PTP4A2: variants seen among roughly 807,000 people sequenced by gnomAD.
The protein encoded by PTP4A2 is protein tyrosine phosphatase type IVA 2.
PTP4A2 carries 2 observed loss-of-function variants against 22.9 expected under a neutral mutation model. The ratio of observed to expected loss-of-function variants is 0.09; its 90% CI spans 0.04 to 0.27. The LOEUF (loss-of-function observed/expected upper bound fraction) is 0.27. PTP4A2 is among the 10% of genes least tolerant of loss of function. The pLI, the probability that PTP4A2 is intolerant of heterozygous loss-of-function variation, is 1.00. For synonymous variants in PTP4A2, 68 were observed against 69.1 expected (o/e 0.98, Z 0.08); for missense variants, 103 against 205.1 (o/e 0.50, Z 3.04).
intron 1 of PTP4A2, among the ~76,000 whole-genome samples, chr1:31,930,673 CA>C (rs1652688707): frequency 6.6e-6 from 1 of 152,184 alleles, no homozygotes; most frequent in South Asian, 2.1e-4. Context: ...AGTTCACAGA[CA>C]TATGTTTGTG....
intron 1 of PTP4A2, among the ~76,000 whole-genome samples, chr1:31,922,703 A>C (rs903439872): frequency 6.6e-6 from 1 of 151,582 alleles, no homozygotes; most frequent in Non-Finnish European, 1.5e-5. Context: ...ATCATGGCTC[A>C]CCGCAGCCTC....
rs550164841 is a variant in PTP4A2 at position 31,923,616 on chromosome 1, G to A, written c.-593-3958C>T. On this transcript the variant is annotated intron_variant, in intron 1 of 5. Coordinates refer to ENST00000647444, the MANE Select transcript of PTP4A2 (RefSeq NM_080391.4). Reference sequence around the variant, plus strand: ...CCCAAAGTGCTGGGATTACAGGCGTGAGCCACCGCGCCCAGCCTGCCTCAA... The same window carrying A: ...CCCAAAGTGCTGGGATTACAGGCGTAAGCCACCGCGCCCAGCCTGCCTCAA... 1.6e-4 allele frequency among the ~76,000 whole-genome samples: 24 copies of A among 152,252 alleles called. No homozygotes were observed. In the South Asian group the frequency reaches 3.1e-3, roughly 20 times the overall value.
At chr1:31,917,776 C>A (rs1203263621) in intron 2 of PTP4A2, among the ~76,000 whole-genome samples, 1 of 151,846 alleles carries the variant, frequency 6.6e-6, no homozygotes, top group Non-Finnish European at 1.5e-5. Flanking sequence ...GAGATCAAGA[C>A]CATCCTGGCC....
intron 1 of PTP4A2, among the ~76,000 whole-genome samples, chr1:31,926,149 A>ATATATATAT (rs1553212253): frequency 1.3e-4 from 17 of 131,346 alleles, no homozygotes; most frequent in African/African-American, 4.0e-4. Flanking sequence ...AAAAAAAAAA[A>ATATATATAT]ATATATATAT....
At chr1:31,909,343 A>G (rs1266698415) in intron 5 of PTP4A2, among the ~76,000 whole-genome samples, 1 of 152,190 alleles carries the variant, frequency 6.6e-6, no homozygotes, top group Non-Finnish European at 1.5e-5. Flanking sequence ...CTGTCTGTGC[A>G]CTACCATCCT....
In PTP4A2 at chr1:31,938,339, C is replaced by T. The variant is rs1285280675; in HGVS notation, c.-946G>A. The stretch of plus-strand genomic sequence containing the variant: ...ACGGTTACAGCCCGGCCGATCGCGC[C>T]GCCACCACCACCGCTGCGCGCGCAG... On this transcript the variant is annotated 5_prime_UTR_variant, in exon 1 of 6. Coordinates refer to ENST00000647444, the MANE Select transcript of PTP4A2 (RefSeq NM_080391.4). The surrounding 1 kb of genome is among the most constrained non-coding windows in gnomAD (Gnocchi z 4.4). The T allele has an allele frequency of 6.7e-6, 1 of 149,140 alleles. No individual in the cohort carries two copies. The highest frequency in any genetic ancestry group is 1.5e-5 in the Non-Finnish European group (1 of 66,608). 9.2% of individuals were successfully genotyped at this position (149,140 alleles called of 1,614,324 possible).
chr1:31,922,084 A>C (rs1405341478), intron 1 of PTP4A2, among the ~76,000 whole-genome samples: 1 of 152,218 alleles, frequency 6.6e-6, no homozygotes, highest in Non-Finnish European at 1.5e-5. Flanking sequence ...GTAACCCCAA[A>C]ACATAGCCAC....
At chr1:31,913,310 G>A (rs181605579) in intron 3 of PTP4A2, among the ~76,000 whole-genome samples, 1 of 152,220 alleles carries the variant, frequency 6.6e-6, no homozygotes, top group East Asian at 1.9e-4. Flanking sequence ...CAAGCTTAAG[G>A]CTAAATGCCC....
In PTP4A2 at chr1:31,938,074, C is replaced by T. The variant is rs1416746256; in HGVS notation, c.-681G>A. 1 of 150,936 alleles carries T rather than the reference C, an allele frequency of 6.6e-6. No homozygotes were observed. The highest frequency in any genetic ancestry group is 1.4e-5 in the Non-Finnish European group (1 of 70,652). 9.3% of individuals were successfully genotyped at this position (150,936 alleles called of 1,614,324 possible). ...TCCTCAGTCACCTCGGCGGCGGCGG[C>T]GGCGGCGGTAGCGGTGGCGGCGGCG... On this transcript the variant is annotated 5_prime_UTR_variant, in exon 1 of 6. Coordinates refer to ENST00000647444, the MANE Select transcript of PTP4A2 (RefSeq NM_080391.4). The surrounding 1 kb of genome is among the most constrained non-coding windows in gnomAD (Gnocchi z 4.4).
At chr1:31,931,369 C>T (rs916688150) in intron 1 of PTP4A2, among the ~76,000 whole-genome samples, 2 of 152,130 alleles carry the variant, frequency 1.3e-5, no homozygotes, top group Non-Finnish European at 2.9e-5. Flanking sequence ...TCTGGAGAAG[C>T]CTTGACCGGG....
intron 3 of PTP4A2, among the ~76,000 whole-genome samples, chr1:31,914,648 C>G (rs565819053): frequency 6.6e-6 from 1 of 152,292 alleles, no homozygotes; most frequent in East Asian, 1.9e-4. Context: ...AACCTTCCCA[C>G]AATCAAACCA....
At chr1:31,918,841 C>T (rs1376385857) in intron 2 of PTP4A2, 129 bp downstream of exon 2, 1 of 576,502 alleles carries the variant, frequency 1.7e-6, no homozygotes, top group Non-Finnish European at 3.1e-6. Flanking sequence ...GTAACTAACC[C>T]AACCCAATTC....
At chr1:31,909,900 T>G (rs952667792) in intron 5 of PTP4A2, 138 bp downstream of exon 5, 2 of 697,160 alleles carry the variant, frequency 2.9e-6, no homozygotes, top group Non-Finnish European at 4.7e-6. Flanking sequence ...TTGCTCTAAA[T>G]TTTTTACATC....
chr1:31,921,268 T>C (rs1557865102), intron 1 of PTP4A2: 1 of 152,190 alleles, frequency 6.6e-6, no homozygotes, highest in Non-Finnish European at 1.5e-5. Flanking sequence ...CATCACACAA[T>C]GGAAGTTTTT....
intron 1 of PTP4A2, among the ~76,000 whole-genome samples, chr1:31,924,661 T>C (rs1424255779): frequency 2.0e-5 from 3 of 152,226 alleles, no homozygotes; most frequent in Admixed American, 1.3e-4. Context: ...TACCAAGTGA[T>C]GAAAAAGGCT....
chr1:31,928,045 T>G (rs191638681), intron 1 of PTP4A2, among the ~76,000 whole-genome samples: 3 of 151,612 alleles, frequency 2.0e-5, no homozygotes, highest in African/African-American at 7.3e-5. Context: ...CCAAATCAAG[T>G]AGATAGAACA....
intron 2 of PTP4A2, among the ~76,000 whole-genome samples, chr1:31,918,196 C>T (rs1651956056): frequency 6.6e-6 from 1 of 151,868 alleles, no homozygotes; most frequent in Non-Finnish European, 1.5e-5. Flanking sequence ...TTGCAGTGAG[C>T]CGAGATAGTG....
intron 3 of PTP4A2, among the ~76,000 whole-genome samples, chr1:31,913,581 T>G (rs991493693): frequency 1.3e-5 from 2 of 152,194 alleles, no homozygotes; most frequent in Non-Finnish European, 2.9e-5. Flanking sequence ...CATCTATTTT[T>G]TTTTTTAATT....
intron 1 of PTP4A2, chr1:31,937,750 C>G (rs568731003): frequency 5.3e-5 from 8 of 152,132 alleles, no homozygotes; most frequent in Admixed American, 5.3e-4. Flanking sequence ...CTGTCCCCCA[C>G]TCACACGCCC....
Sources: allele counts gnomAD v4.1 joint callset (sites outside exome capture counted in the v4.1 genomes callset), GRCh38; gene constraint gnomAD v4.1.1; non-coding constraint Gnocchi (gnomAD v3.1); transcripts MANE v1.5; gene names NCBI Gene and HGNC (gene_info 2026-07-23, HGNC 2026-07-21).